Variants in SEMA5B observed in about 807,000 individuals in gnomAD.
SEMA5B encodes semaphorin 5B, also known as semaphorin-5B.
SEMA5B carries 66 observed loss-of-function variants against 135.0 expected under a neutral mutation model. The observed-to-expected ratio is 0.49, with a 90% CI of 0.40 to 0.60. SEMA5B has a LOEUF of 0.60. Among genes scored for constraint, SEMA5B ranks in the 20% least tolerant of loss-of-function variants. The probability of loss-of-function intolerance (pLI) is 0.00; values close to 1 mark genes in which losing one functional copy is unlikely to be tolerated. For missense variants in SEMA5B, 1,501 were observed against 1,566.3 expected (o/e 0.96, Z 0.70); for synonymous variants, 690 against 639.5 (o/e 1.08, Z -1.19).
intron 1 of SEMA5B, among the ~76,000 whole-genome samples, chr3:122,997,164 T>C (rs901749544): frequency 1.3e-5 from 2 of 152,362 alleles, no homozygotes; most frequent in East Asian, 3.9e-4. Context: ...CAGTGGGCAC[T>C]GCCATCTCCT....
At chr3:123,021,381 T>C (rs1942670463) in intron 1 of SEMA5B, among the ~76,000 whole-genome samples, 1 of 152,224 alleles carries the variant, frequency 6.6e-6, no homozygotes, top group South Asian at 2.1e-4. Context: ...GGGAGCTGGC[T>C]GCTAGAAACA....
intron 8 of SEMA5B, among the ~76,000 whole-genome samples, 159 bp downstream of exon 8, chr3:122,927,631 G>T (rs1257266472): frequency 6.6e-6 from 1 of 152,186 alleles, no homozygotes; most frequent in Non-Finnish European, 1.5e-5. Context: ...TCTCTAGCAT[G>T]CTCTGGTCTA....
chr3:123,020,561 A>G (rs560313462), intron 1 of SEMA5B, among the ~76,000 whole-genome samples: 1 of 152,220 alleles, frequency 6.6e-6, no homozygotes, highest in South Asian at 2.1e-4. Context: ...ATTAGAAAGG[A>G]CCTGGCTGTT....
intron 5 of SEMA5B, 67 bp from the exon 6 acceptor site, chr3:122,929,125 G>C: frequency 1.3e-6 from 2 of 1,492,378 alleles, no homozygotes; most frequent in East Asian, 2.3e-5. Context: ...CTCACTGGCA[G>C]AGCAGGCAGC....
At chr3:122,923,789 G>C (rs1387091340) in intron 9 of SEMA5B, 37 bp from the exon 10 acceptor site, 9 of 1,612,704 alleles carry the variant, frequency 5.6e-6, no homozygotes, top group Middle Eastern at 1.8e-4. Flanking sequence ...GGCCCTCCCT[G>C]TAAGACCTGG....
intron 5 of SEMA5B, among the ~76,000 whole-genome samples, chr3:122,938,042 A>T (rs891921830): frequency 2.0e-5 from 3 of 152,186 alleles, no homozygotes; most frequent in Non-Finnish European, 2.9e-5. Context: ...AGGCCACAAG[A>T]TGCTGCTTCT....
intron 1 of SEMA5B, among the ~76,000 whole-genome samples, chr3:123,013,763 A>G (rs1214678626): frequency 2.0e-5 from 3 of 152,340 alleles, no homozygotes; most frequent in East Asian, 3.9e-4. Flanking sequence ...ATCTTCACTT[A>G]TGTGCTTTCC....
intron 18 of SEMA5B, 74 bp downstream of exon 18, chr3:122,912,769 G>C (rs1937805700): frequency 7.2e-7 from 1 of 1,383,080 alleles, no homozygotes; most frequent in African/African-American, 1.5e-5. Flanking sequence ...TCCTGGGTAG[G>C]CCTGGGGCGG....
At chr3:122,992,385 C>T (rs574191775) in intron 1 of SEMA5B, among the ~76,000 whole-genome samples, 2 of 152,324 alleles carry the variant, frequency 1.3e-5, no homozygotes, top group South Asian at 2.1e-4. Flanking sequence ...GCAGATCTCA[C>T]TCTGCATTCT....
chr3:122,974,049 C>T (rs1470098839), intron 1 of SEMA5B, among the ~76,000 whole-genome samples: 1 of 152,228 alleles, frequency 6.6e-6, no homozygotes, highest in Non-Finnish European at 1.5e-5. Flanking sequence ...TGCCCAGATC[C>T]ATCTGGAGAG....
At chr3:122,980,127 T>C (rs1941471495) in intron 1 of SEMA5B, among the ~76,000 whole-genome samples, 1 of 152,116 alleles carries the variant, frequency 6.6e-6, no homozygotes, top group Admixed American at 6.5e-5. Flanking sequence ...CAAAACCCCA[T>C]CCCAGTCCCA....
intron 1 of SEMA5B, among the ~76,000 whole-genome samples, chr3:123,010,883 T>C (rs116169939): frequency 0.012 from 1,849 of 151,402 alleles, 21 homozygotes; most frequent in Non-Finnish European, 0.02. Context: ...GGGTGTATTA[T>C]CTGGGACTCA....
At chr3:122,947,581 C>T (rs962476808) in intron 3 of SEMA5B, among the ~76,000 whole-genome samples, 7 of 152,202 alleles carry the variant, frequency 4.6e-5, no homozygotes, top group Admixed American at 2.6e-4. Flanking sequence ...GAGCACTGCA[C>T]GTGGAATCAG....
chr3:122,914,010 G>A lies in SEMA5B; in HGVS notation c.1989-9C>T. 1 of 1,574,924 alleles carries A rather than the reference G, an allele frequency of 6.3e-7. No individual in the cohort carries two copies. The highest frequency in any genetic ancestry group is 8.6e-7 in the Non-Finnish European group (1 of 1,158,772). ...GGGTCCACGCCCCATTCCTGGCGGG[G>A]TGGGAGGGGACAGAGACAGATGCCC... is the stretch of plus-strand genomic sequence containing the variant. On this transcript the variant is annotated splice_polypyrimidine_tract_variant and intron_variant, in intron 14 of 22. Coordinates refer to ENST00000357599, the MANE Select transcript of SEMA5B (RefSeq NM_001031702.4).
At chr3:122,939,500 G>A (rs1939457208) in intron 4 of SEMA5B, 30 bp from the exon 5 acceptor site, 1 of 1,599,098 alleles carries the variant, frequency 6.3e-7, no homozygotes, top group African/African-American at 1.3e-5. Context: ...CATCCTAAGT[G>A]ACGCTGGTTC....
intron 5 of SEMA5B, 83 bp downstream of exon 5, chr3:122,939,342 T>C: frequency 9.0e-7 from 1 of 1,116,232 alleles, no homozygotes; most frequent in Non-Finnish European, 1.4e-6. Context: ...GGCTGAATTC[T>C]GAATGGCGCC....
intron 1 of SEMA5B, among the ~76,000 whole-genome samples, chr3:123,001,492 C>T (rs558803899): frequency 8.5e-5 from 13 of 152,286 alleles, no homozygotes; most frequent in African/African-American, 3.1e-4. Context: ...TCCCTTCATA[C>T]TCAATACATC....
intron 1 of SEMA5B, among the ~76,000 whole-genome samples, chr3:122,995,124 C>G (rs552952222): frequency 6.6e-6 from 1 of 152,176 alleles, no homozygotes; most frequent in African/African-American, 2.4e-5. Context: ...GCAAGCCAAG[C>G]TGGAAACCAG....
chr3:122,926,162 T>G (rs886608154), intron 9 of SEMA5B, among the ~76,000 whole-genome samples: 12 of 152,236 alleles, frequency 7.9e-5, no homozygotes, highest in Non-Finnish European at 1.3e-4. Context: ...TCCTCCTTCA[T>G]GCAGCCTAAG....
Sources: allele counts gnomAD v4.1 joint callset (sites outside exome capture counted in the v4.1 genomes callset), GRCh38; gene constraint gnomAD v4.1.1; transcripts MANE v1.5; gene names NCBI Gene and HGNC (gene_info 2026-07-23, HGNC 2026-07-21).